Variants in PLEKHD1 observed in about 807,000 individuals in gnomAD.
The protein encoded by PLEKHD1 is pleckstrin homology and coiled-coil domain containing D1.
Under a neutral mutation model 69.2 loss-of-function variants are expected in PLEKHD1, and 51 were observed. The ratio of observed to expected loss-of-function variants is 0.74; its 90% CI spans 0.59 to 0.93. The LOEUF (loss-of-function observed/expected upper bound fraction) is 0.93, where lower values mean the gene tolerates loss of function less well. Ranked by LOEUF, PLEKHD1 falls within the 40% of genes least tolerant of loss-of-function variation. The probability of loss-of-function intolerance (pLI) is 0.00; values close to 1 mark genes in which losing one functional copy is unlikely to be tolerated. For synonymous variants in PLEKHD1, 236 were observed against 244.7 expected (o/e 0.96, Z 0.33); for missense variants, 584 against 641.0 (o/e 0.91, Z 0.96).
chr14:69,486,911 C>T (rs750984409), intron 1 of PLEKHD1, among the ~76,000 whole-genome samples: 2 of 152,192 alleles, frequency 1.3e-5, no homozygotes, highest in Non-Finnish European at 2.9e-5. Flanking sequence ...GTGTCCCCCA[C>T]CCAGAGACTC....
intron 2 of PLEKHD1, 121 bp from the exon 3 acceptor site, chr14:69,500,456 C>T (rs890945455): frequency 6.2e-6 from 5 of 808,232 alleles, no homozygotes; most frequent in Admixed American, 5.7e-5. Context: ...TCCCATGGCC[C>T]CAGGGTCTAG....
In PLEKHD1 at chr14:69,527,253, C is replaced by T; in HGVS notation, c.1122C>T (p.Ser374=). Residue 374 remains serine, a synonymous_variant, in exon 11 of 13, where the codon AGC becomes AGT. Transcript: ENST00000322564. ...GGGAGGCAGAAGGGGCCTTGCGAAGCCTGGAACAGGGGCTGAATTCCAAGG... is the reference window on the plus strand; with the variant it reads ...GGGAGGCAGAAGGGGCCTTGCGAAGTCTGGAACAGGGGCTGAATTCCAAGG... ...RLREAEGALR[S]LEQGLNSKVR... 6 of 1,551,764 alleles carry T rather than the reference C, an allele frequency of 3.9e-6. No individual in the cohort carries two copies. Among genetic ancestry groups the T allele is most frequent in the Non-Finnish European group, 4.4e-6 (5 of 1,147,004 alleles).
At chr14:69,483,006 G>A (rs1046697755), upstream of PLEKHD1, among the ~76,000 whole-genome samples, 1 of 152,144 alleles carries the variant, frequency 6.6e-6, no homozygotes, top group Non-Finnish European at 1.5e-5. Flanking sequence ...GTCAGAAATA[G>A]ACAAAAAATA....
rs578013090 is a variant in PLEKHD1 at position 69,530,133 on chromosome 14, A to C, written c.*1714A>C. 6.6e-6 allele frequency: 1 copy of C among 152,328 alleles called. No individual in the cohort carries two copies. Among genetic ancestry groups the C allele is most frequent in the South Asian group, 2.1e-4 (1 of 4,830 alleles). 9.4% of individuals were successfully genotyped at this position (152,328 alleles called of 1,614,324 possible). A position where few individuals can be genotyped will look rare whatever the true frequency, so the allele number is the denominator to read the frequency against. On this transcript the variant is annotated 3_prime_UTR_variant, in exon 13 of 13. Transcript: ENST00000322564. ...AAGTGCAAGAACCTGGGAGCCCACA[A>C]CCTATTCTGTGGGAAGAGGAGCATT...
At position 69,484,900 on chromosome 14, in the gene PLEKHD1, C is replaced by G. The variant is rs1210544658; in HGVS notation, c.-66C>G. 6.6e-7 allele frequency: 1 copy of G among 1,519,734 alleles called. No individual in the cohort carries two copies. The highest frequency in any genetic ancestry group is 8.9e-7 in the Non-Finnish European group (1 of 1,127,632). 94.1% of individuals were successfully genotyped at this position (1,519,734 alleles called of 1,614,324 possible). A position where few individuals can be genotyped will look rare whatever the true frequency, so the allele number is the denominator to read the frequency against. ...CTCCGACGGCTCCGCCCTCGCCTCT[C>G]GCCCCGAGTCCCTGCTGACCCCGGG... On this transcript the variant is annotated 5_prime_UTR_variant, in exon 1 of 13. Transcript: ENST00000322564.
rs574366234 is a variant in PLEKHD1, at chr14:69,501,623, G to A, written c.411-111G>A. The A allele has an allele frequency of 3.1e-5, 24 of 768,054 alleles. No individual in the cohort carries two copies. In the African/African-American group the frequency reaches 4.3e-4, roughly 14 times the overall value. The allele number at this position is 768,054 out of a possible 1,614,324, so 47.6% of individuals were successfully genotyped here. ...GCAAGTTGAGATTCTGGAGGAGAAA[G>A]GGTGGGCGAGTACAAAACGTATGCC... On this transcript the variant is annotated intron_variant, in intron 4 of 12. Transcript: ENST00000322564.
At chr14:69,522,968 C>G (rs1389700338) in intron 7 of PLEKHD1, among the ~76,000 whole-genome samples, 1 of 152,104 alleles carries the variant, frequency 6.6e-6, no homozygotes, top group Non-Finnish European at 1.5e-5. Context: ...GAGTCTCACT[C>G]TGTCACCCAG....
At position 69,528,853 on chromosome 14, in the gene PLEKHD1, C is replaced by T. The variant is rs1311904978; in HGVS notation, c.*434C>T. 3.0e-5 allele frequency: 5 copies of T among 167,912 alleles called. No individual in the cohort carries two copies. The highest frequency in any genetic ancestry group is 4.8e-5 in the African/African-American group (2 of 41,946). The allele number at this position is 167,912 out of a possible 1,614,324, so 10.4% of individuals were successfully genotyped here. ...ACTCTGCTGCCCTGCCCGTGGTCCT[C>T]ATGTAGAAAGGCCTTGCCTCCCTAC... On this transcript the variant is annotated 3_prime_UTR_variant, in exon 13 of 13. Transcript: ENST00000322564.
intron 6 of PLEKHD1, among the ~76,000 whole-genome samples, chr14:69,513,031 T>A (rs1883304591): frequency 6.6e-6 from 1 of 151,690 alleles, no homozygotes; most frequent in African/African-American, 2.4e-5. Context: ...TACAATGAGC[T>A]ATGATTGTAC....
In PLEKHD1 at chr14:69,500,611, C is replaced by G. The variant is rs770956661; in HGVS notation, c.278C>G (p.Pro93Arg). The change falls in exon 3 of 13, where the codon CCC (proline) becomes CGC (arginine). Residue 93 changes from proline (P) to arginine (R), a missense_variant. Transcript: ENST00000322564. Reference protein sequence around the residue: ...VIPLGGCLVEPKEEPSMPYAM... With the variant: ...VIPLGGCLVERKEEPSMPYAM... ...CCTCTGGGGGGCTGCCTGGTGGAGC[C>G]CAAGGAAGAGCCTAGCATGCCCTAT... The G allele has an allele frequency of 3.9e-6, 6 of 1,551,176 alleles. No homozygotes were observed. In the East Asian group the frequency reaches 1.2e-4, roughly 32 times the overall value.
rs971689146 is a variant in PLEKHD1, at chr14:69,526,641, T to C, written c.924-56T>C. The C allele has an allele frequency of 1.2e-5, 17 of 1,441,290 alleles. No homozygotes were observed. The Admixed American group carries it at 3.9e-4, about 33-fold the overall frequency. 89.3% of individuals were successfully genotyped at this position (1,441,290 alleles called of 1,614,324 possible). On this transcript the variant is annotated intron_variant, in intron 9 of 12. Transcript: ENST00000322564. ...GTCTCTAAGAGGAGCTGTCCATCCA[T>C]TGGCAATCCCATTTGGCGAGTGAGC... is the stretch of plus-strand genomic sequence containing the variant.
At chr14:69,523,348 A>G (rs1322374031) in intron 7 of PLEKHD1, among the ~76,000 whole-genome samples, 2 of 152,202 alleles carry the variant, frequency 1.3e-5, no homozygotes, top group Non-Finnish European at 2.9e-5. Context: ...CCTCATCATT[A>G]TCATCACCAC....
At chr14:69,485,212 C>T in intron 1 of PLEKHD1, 98 bp downstream of exon 1, 1 of 1,332,108 alleles carries the variant, frequency 7.5e-7, no homozygotes, top group Non-Finnish European at 1.0e-6. Flanking sequence ...CCTCTGCTTT[C>T]CTGTGTGACC....
Position 69,484,806 on chromosome 14 carries a change from A to G in PLEKHD1, c.-160A>G, listed in dbSNP as rs1487033496. On this transcript the variant is annotated 5_prime_UTR_variant, in exon 1 of 13. Transcript: ENST00000322564. The stretch of plus-strand genomic sequence containing the variant: ...CCTGCGCCCCCTTGGTGCCGCGTCC[A>G]GTGCCCAGCGCGCTTTGATGCTGCA... 3.7e-6 allele frequency: 3 copies of G among 800,516 alleles called. No individual in the cohort carries two copies. The highest frequency in any genetic ancestry group is 3.0e-5 in the Admixed American group (1 of 33,288). The allele number at this position is 800,516 out of a possible 1,614,324, so 49.6% of individuals were successfully genotyped here.
chr14:69,490,893 A>G (rs1229097595), intron 1 of PLEKHD1, among the ~76,000 whole-genome samples: 2 of 152,078 alleles, frequency 1.3e-5, no homozygotes, highest in African/African-American at 4.8e-5. Flanking sequence ...GAGGAGGGAG[A>G]CTGGCTGCTG....
At chr14:69,483,443 G>A (rs535182719), upstream of PLEKHD1, among the ~76,000 whole-genome samples, 19 of 152,244 alleles carry the variant, frequency 1.2e-4, no homozygotes, top group South Asian at 3.3e-3. Context: ...ACTGTGCAGA[G>A]GTGGTAAGAA....
rs146097081 is a variant in PLEKHD1 at position 69,488,398 on chromosome 14, C to T, written c.149+3284C>T. On this transcript the variant is annotated intron_variant, in intron 1 of 12. Transcript: ENST00000322564. The stretch of plus-strand genomic sequence containing the variant: ...AGAAGAGCCTATCATGTCAGCTTCA[C>T]GGCACTAGGCTCAGCCTCACCCTGG... Among the ~76,000 whole-genome samples the T allele has an allele frequency of 3.8e-3, 577 of 152,276 alleles. 4 individuals are homozygous for T. Among genetic ancestry groups the T allele is most frequent in the Middle Eastern group, 0.014 (4 of 294 alleles).
intron 9 of PLEKHD1, among the ~76,000 whole-genome samples, chr14:69,526,344 C>A (rs1420846622): frequency 6.6e-6 from 1 of 152,202 alleles, no homozygotes; most frequent in Non-Finnish European, 1.5e-5. Context: ...GTGAACCATG[C>A]AGACTTATTA....
chr14:69,489,370 C>T (rs988133448), intron 1 of PLEKHD1, among the ~76,000 whole-genome samples: 9 of 152,042 alleles, frequency 5.9e-5, no homozygotes, highest in Non-Finnish European at 8.8e-5. Context: ...ACCAGCCTGG[C>T]CAACATGGCA....
Sources: allele counts gnomAD v4.1 joint callset (sites outside exome capture counted in the v4.1 genomes callset), GRCh38; gene constraint gnomAD v4.1.1; transcripts MANE v1.5; gene names NCBI Gene and HGNC (gene_info 2026-07-23, HGNC 2026-07-21).